Variants in CYP51A1 observed in about 807,000 individuals in gnomAD.
The protein encoded by CYP51A1 is cytochrome P450 family 51 subfamily A member 1.
A neutral mutation model predicts 53.5 loss-of-function variants in CYP51A1; 45 were observed. That is an observed-to-expected ratio of 0.84 (90% CI 0.66 to 1.08). The LOEUF (loss-of-function observed/expected upper bound fraction) is 1.08. CYP51A1 is among the 50% of genes least tolerant of loss of function. CYP51A1 has a pLI of 0.00. For synonymous variants in CYP51A1, 181 were observed against 217.7 expected (o/e 0.83, Z 1.48); for missense variants, 462 against 621.7 (o/e 0.74, Z 2.73).
intron 3 of CYP51A1, among the ~76,000 whole-genome samples, chr7:92,128,463 C>CGTGTGT (rs201367686): frequency 8.6e-6 from 1 of 115,858 alleles, no homozygotes; most frequent in Non-Finnish European, 1.7e-5. Context: ...TGTGCGCGTG[C>CGTGTGT]GTGTGTGTGT....
intron 5 of CYP51A1, among the ~76,000 whole-genome samples, chr7:92,125,058 G>A (rs1278081995): frequency 6.6e-6 from 1 of 151,396 alleles, no homozygotes; most frequent in Non-Finnish European, 1.5e-5. Flanking sequence ...GCAGGAGAAT[G>A]GCGTGAACCT....
chr7:92,126,915 C>T (rs1168607078), intron 4 of CYP51A1, among the ~76,000 whole-genome samples: 3 of 152,126 alleles, frequency 2.0e-5, no homozygotes, highest in African/African-American at 7.2e-5. Context: ...ACAAATGCAC[C>T]AGGCAAGCAT....
At chr7:92,121,272 ACT>A (rs1016298168) in intron 7 of CYP51A1, among the ~76,000 whole-genome samples, 2 of 149,570 alleles carry the variant, frequency 1.3e-5, no homozygotes, top group Non-Finnish European at 1.5e-5. Context: ...TCACACCAAG[ACT>A]CTGTCTCAAA....
chr7:92,126,000 CA>C (rs1391484994), intron 5 of CYP51A1, among the ~76,000 whole-genome samples: 4 of 152,040 alleles, frequency 2.6e-5, no homozygotes. Context: ...ATCTCAAAAA[CA>C]AAAACATAAA....
chr7:92,122,547 A>C (rs1189594628), intron 7 of CYP51A1, among the ~76,000 whole-genome samples: 1 of 152,226 alleles, frequency 6.6e-6, no homozygotes. Context: ...TCTGAAAATC[A>C]GTGTAATGTG....
chr7:92,128,553 G>A (rs372038556), intron 3 of CYP51A1, among the ~76,000 whole-genome samples: 10 of 151,490 alleles, frequency 6.6e-5, no homozygotes, highest in African/African-American at 2.2e-4. Context: ...TTGTGATCTC[G>A]GCTCACTGCA....
intron 7 of CYP51A1, among the ~76,000 whole-genome samples, chr7:92,119,237 A>C (rs909157429): frequency 4.6e-5 from 7 of 152,222 alleles, no homozygotes; most frequent in African/African-American, 1.7e-4. Flanking sequence ...ACTGGGGAGT[A>C]AGATGTCCAC....
rs1584634556 is a variant in CYP51A1 at position 92,123,995 on chromosome 7, G to A, written c.771-142C>T. On this transcript the variant is annotated intron_variant, in intron 5 of 9. Transcript: ENST00000003100. Reference sequence around the variant, plus strand: ...TCTAAAATAATTGACAAAAAAATCAGAACCAGGAACATACTGGAAGTCATG... The same window carrying A: ...TCTAAAATAATTGACAAAAAAATCAAAACCAGGAACATACTGGAAGTCATG... The A allele has an allele frequency of 1.1e-5, 7 of 617,458 alleles. No homozygotes were observed. The East Asian group carries it at 2.2e-4, about 19-fold the overall frequency. The allele number at this position is 617,458 out of a possible 1,614,324, so 38.2% of individuals were successfully genotyped here. A position where few individuals can be genotyped will look rare whatever the true frequency, so the allele number is the denominator to read the frequency against.
chr7:92,115,388 A>T (rs1478186648), intron 9 of CYP51A1, among the ~76,000 whole-genome samples: 2 of 152,182 alleles, frequency 1.3e-5, no homozygotes, highest in African/African-American at 2.4e-5. Flanking sequence ...CCTTATAAGA[A>T]TGCCATGTTA....
intron 1 of CYP51A1, among the ~76,000 whole-genome samples, chr7:92,132,776 G>T (rs947669307): frequency 6.6e-6 from 1 of 152,198 alleles, no homozygotes; most frequent in African/African-American, 2.4e-5. Flanking sequence ...TAAGAGAGTA[G>T]ATCAGCTCTA....
At chr7:92,131,580 T>TG (rs918581159) in intron 2 of CYP51A1, among the ~76,000 whole-genome samples, 194 bp downstream of exon 2, 5 of 152,202 alleles carry the variant, frequency 3.3e-5, no homozygotes, top group Middle Eastern at 3.2e-3. Flanking sequence ...CCCCAGGACA[T>TG]GGGAAAAGCT....
At chr7:92,123,089 G>C in intron 7 of CYP51A1, 31 bp downstream of exon 7, 1 of 1,548,796 alleles carries the variant, frequency 6.5e-7, no homozygotes, top group Non-Finnish European at 8.9e-7. Flanking sequence ...AAAGTCATAA[G>C]GCAGCAATGA....
At chr7:92,114,141 G>A (rs1819532425) in intron 9 of CYP51A1, among the ~76,000 whole-genome samples, 1 of 152,022 alleles carries the variant, frequency 6.6e-6, no homozygotes, top group Non-Finnish European at 1.5e-5. Flanking sequence ...AATCTAGTTT[G>A]GGAATATAGT....
chr7:92,117,272 G>A (rs2130942751), intron 8 of CYP51A1, 60 bp from the exon 9 acceptor site: 1 of 1,450,618 alleles, frequency 6.9e-7, no homozygotes. Context: ...CAAATAATCA[G>A]ATCATTGTGT....
At chr7:92,121,474 A>AC (rs1323206138) in intron 7 of CYP51A1, among the ~76,000 whole-genome samples, 1 of 152,018 alleles carries the variant, frequency 6.6e-6, no homozygotes, top group Non-Finnish European at 1.5e-5. Context: ...CCTAGGTATG[A>AC]CCCCCCAAAA....
chr7:92,120,735 G>A (rs1325439663), intron 7 of CYP51A1, among the ~76,000 whole-genome samples: 1 of 152,090 alleles, frequency 6.6e-6, no homozygotes, highest in East Asian at 1.9e-4. Context: ...AGACCTAAAT[G>A]TAAGATATGA....
Position 92,113,779 on chromosome 7 carries a change from C to T in CYP51A1, c.1416G>A (p.Met472Ile). 6.2e-7 allele frequency: 1 copy of T among 1,612,540 alleles called. No homozygotes were observed. Among genetic ancestry groups the T allele is most frequent in the Non-Finnish European group, 8.5e-7 (1 of 1,179,294 alleles). The change falls in exon 10 of 10, where the codon ATG becomes ATA. Residue 472 changes from methionine to isoleucine, a missense_variant. Transcript: ENST00000003100. ...TGAGATCAAATTCATATAAACGAAG[C>T]ATAGTGGACCAAATTGTCTTAATTT... is the stretch of plus-strand genomic sequence containing the variant. ...YVQIKTIWST[M>I]LRLYEFDLID... is the part of the protein sequence containing the mutation.
At chr7:92,127,467 GT>G in intron 4 of CYP51A1, 37 bp downstream of exon 4, 1 of 1,582,254 alleles carries the variant, frequency 6.3e-7, no homozygotes, top group Non-Finnish European at 8.6e-7. Flanking sequence ...TCACAGAGAA[GT>G]AGAAATGTTA....
At chr7:92,123,011 G>T (rs1435078867) in intron 7 of CYP51A1, 109 bp downstream of exon 7, 1 of 776,038 alleles carries the variant, frequency 1.3e-6, no homozygotes, top group Non-Finnish European at 2.1e-6. Context: ...TAGAGAAGCT[G>T]ATCAATTTAA....
Sources: allele counts gnomAD v4.1 joint callset (sites outside exome capture counted in the v4.1 genomes callset), GRCh38; gene constraint gnomAD v4.1.1; transcripts MANE v1.5; gene names NCBI Gene and HGNC (gene_info 2026-07-23, HGNC 2026-07-21).